THRB: variants seen among roughly 807,000 people sequenced by gnomAD.
THRB encodes the protein nuclear receptor subfamily 1 group A member 2.
Under a neutral mutation model 47.8 loss-of-function variants are expected in THRB, and 12 were observed. The observed-to-expected ratio is 0.25, with a 90% CI of 0.16 to 0.41. THRB has a LOEUF of 0.41. THRB is among the 10% of genes least tolerant of loss of function. THRB has a pLI of 1.00. For missense variants in THRB, 348 were observed against 589.2 expected (o/e 0.59, Z 4.24); for synonymous variants, 218 against 212.2 (o/e 1.03, Z -0.24).
intron 3 of THRB, among the ~76,000 whole-genome samples, chr3:24,278,349 G>C (rs2054155550): frequency 6.6e-6 from 1 of 152,146 alleles, no homozygotes; most frequent in African/African-American, 2.4e-5. Context: ...GTTAAAATTG[G>C]TAAGACTTGC....
At chr3:24,258,966 T>TA (rs761947018) in intron 3 of THRB, among the ~76,000 whole-genome samples, 19 of 152,098 alleles carry the variant, frequency 1.2e-4, no homozygotes, top group Admixed American at 3.3e-4. Flanking sequence ...TCCTTATTTT[T>TA]AGATGTGGAA....
chr3:24,222,206 A>G (rs1423449021), intron 4 of THRB, among the ~76,000 whole-genome samples: 1 of 152,212 alleles, frequency 6.6e-6, no homozygotes, highest in African/African-American at 2.4e-5. Flanking sequence ...GATGGAAGCC[A>G]TGGAGTGATT....
intron 1 of THRB, among the ~76,000 whole-genome samples, chr3:24,465,788 T>C (rs908129737): frequency 2.0e-5 from 3 of 152,186 alleles, no homozygotes; most frequent in East Asian, 3.8e-4. Flanking sequence ...TCAAGAGATT[T>C]TTTTCCCACA....
chr3:24,355,838 A>G (rs1338543710), intron 1 of THRB, among the ~76,000 whole-genome samples: 1 of 152,176 alleles, frequency 6.6e-6, no homozygotes, highest in Admixed American at 6.5e-5. Flanking sequence ...CTTGTATATC[A>G]GAGTCTGGCT....
chr3:24,431,575 T>C (rs2070427811), intron 1 of THRB, among the ~76,000 whole-genome samples: 1 of 152,066 alleles, frequency 6.6e-6, no homozygotes, highest in Admixed American at 6.6e-5. Flanking sequence ...TTTTGAAAAA[T>C]ACATTTGAGT....
rs535263713 is a variant in THRB at position 24,399,983 on chromosome 3, T to C, written c.-260-62612A>G. On this transcript the variant is annotated intron_variant, in intron 1 of 10. Coordinates refer to ENST00000646209, the MANE Select transcript of THRB (RefSeq NM_001354712.2). ...CTGCTCAAAGAATAAAATGCAGTTA[T>C]AAAAACTGTTTTCAAATTCCTTTTC... Among the ~76,000 whole-genome samples, 13 of 152,268 alleles carry C rather than the reference T, an allele frequency of 8.5e-5. No homozygotes were observed. The South Asian group carries it at 2.7e-3, about 32-fold the overall frequency.
intron 4 of THRB, among the ~76,000 whole-genome samples, chr3:24,198,989 T>A (rs569737975): frequency 6.6e-6 from 1 of 152,328 alleles, no homozygotes; most frequent in Non-Finnish European, 1.5e-5. Flanking sequence ...GGCATAATCA[T>A]AATAATGTTA....
rs183306603 is a variant in THRB at position 24,259,042 on chromosome 3, G to C, written c.-42-30041C>G. Among the ~76,000 whole-genome samples, 548 of 152,282 alleles carry C rather than the reference G, an allele frequency of 3.6e-3. 7 individuals carry two copies. The highest frequency in any genetic ancestry group is 3.5e-3 in the Non-Finnish European group (238 of 68,018). On this transcript the variant is annotated intron_variant, in intron 3 of 10. Transcript: ENST00000646209. ...AGCTGAGAAGCTAACTTGGCCTCCT[G>C]ATGCTTCCTTCGTGCCCCCACTGCA... is the stretch of plus-strand genomic sequence containing the variant.
chr3:24,312,364 T>TA (rs2057816328), intron 2 of THRB, among the ~76,000 whole-genome samples: 1 of 152,228 alleles, frequency 6.6e-6, no homozygotes, highest in Non-Finnish European at 1.5e-5. Context: ...CTCTTGTACC[T>TA]AGCACTGTAC....
At chr3:24,427,825 T>A (rs1203933302) in intron 1 of THRB, among the ~76,000 whole-genome samples, 4 of 152,072 alleles carry the variant, frequency 2.6e-5, no homozygotes, top group African/African-American at 9.6e-5. Context: ...TATCACAGTA[T>A]CTTTAACCAA....
chr3:24,215,227 T>C (rs2046437187), intron 4 of THRB, among the ~76,000 whole-genome samples: 2 of 152,342 alleles, frequency 1.3e-5, no homozygotes, highest in Middle Eastern at 6.8e-3. Flanking sequence ...GAGTGTACCA[T>C]AGGACTTGAC....
intron 5 of THRB, among the ~76,000 whole-genome samples, chr3:24,159,984 T>C (rs1394321571): frequency 6.6e-6 from 1 of 152,188 alleles, no homozygotes; most frequent in Non-Finnish European, 1.5e-5. Flanking sequence ...ACAAAGGATA[T>C]CTGCCTTTGA....
At chr3:24,263,277 A>T (rs2052275883) in intron 3 of THRB, among the ~76,000 whole-genome samples, 1 of 151,890 alleles carries the variant, frequency 6.6e-6, no homozygotes. Flanking sequence ...TGTATGCCAG[A>T]CTCTTTATAC....
chr3:24,423,445 C>T (rs538914712), intron 1 of THRB, among the ~76,000 whole-genome samples: 1 of 151,682 alleles, frequency 6.6e-6, no homozygotes, highest in South Asian at 2.1e-4. Flanking sequence ...AAGTGGAAAG[C>T]ACAACTATTA....
intron 1 of THRB, among the ~76,000 whole-genome samples, chr3:24,409,125 A>G (rs1251847348): frequency 2.0e-5 from 3 of 151,864 alleles, no homozygotes; most frequent in East Asian, 1.9e-4. Flanking sequence ...ATCAGTGAAC[A>G]TGTTTTAGGT....
chr3:24,159,727 CTGTGTG>C (rs67972581), intron 5 of THRB, among the ~76,000 whole-genome samples: 6,897 of 145,348 alleles, frequency 0.047, 194 homozygotes, highest in South Asian at 0.063. Flanking sequence ...GCCACAACTG[CTGTGTG>C]TGTGTGTGTG....
intron 2 of THRB, among the ~76,000 whole-genome samples, chr3:24,310,999 G>T (rs1425273351): frequency 6.6e-6 from 1 of 152,026 alleles, no homozygotes; most frequent in East Asian, 1.9e-4. Flanking sequence ...CATTAATTGG[G>T]TGGTGTCTCA....
chr3:24,357,348 A>C (rs2063742029), intron 1 of THRB, among the ~76,000 whole-genome samples: 2 of 61,592 alleles, frequency 3.2e-5, no homozygotes, highest in Non-Finnish European at 6.7e-5. Context: ...GTCTCTCCCA[A>C]AAAAAAAAAA....
chr3:24,470,555 G>A (rs1048880204), intron 1 of THRB, among the ~76,000 whole-genome samples: 2 of 152,320 alleles, frequency 1.3e-5, no homozygotes, highest in South Asian at 2.1e-4. Context: ...CCATAGAAAT[G>A]TTTGTTGGAT....
Sources: gnomAD v4.1 joint callset for allele counts (sites outside exome capture counted in the v4.1 genomes callset) on GRCh38, gnomAD v4.1.1 for gene constraint, MANE v1.5 for transcripts, NCBI Gene and HGNC (gene_info 2026-07-23, HGNC 2026-07-21) for gene names.